Variants in IL10 observed in about 807,000 individuals in gnomAD.
IL10 encodes interleukin 10, also known as interleukin-10.
IL10 carries 7 observed loss-of-function variants against 21.0 expected under a neutral mutation model. The ratio of observed to expected loss-of-function variants is 0.33; its 90% CI spans 0.19 to 0.63. The LOEUF is 0.63. IL10 is among the 20% of genes least tolerant of loss of function. The probability of loss-of-function intolerance (pLI) is 0.77; values close to 1 mark genes in which losing one functional copy is unlikely to be tolerated. For missense variants in IL10, 161 were observed against 213.0 expected, an observed-to-expected ratio of 0.76 and a Z score of 1.52; for synonymous variants, 83 against 79.7, an observed-to-expected ratio of 1.04 and a Z score of -0.22.
chr1:206,771,981 C>A (rs890823529), intron 1 of IL10, among the ~76,000 whole-genome samples: 2 of 152,226 alleles, frequency 1.3e-5, no homozygotes, highest in African/African-American at 4.8e-5. Context: ...TTTACTTCTC[C>A]TAGCCAATAA....
chr1:206,769,371 T>G (rs111408517), intron 4 of IL10, among the ~76,000 whole-genome samples: 9 of 152,378 alleles, frequency 5.9e-5, no homozygotes, highest in African/African-American at 2.2e-4. Flanking sequence ...CAACTCCAGG[T>G]TAAGTGAGAA....
chr1:206,769,825 T>G lies in IL10; in HGVS notation c.444+4A>C. Reference sequence around the variant, plus strand: ...AGACCCTCTCTGCCACCATCCAAGCTCACCTTATTAAAGGCATTCTTCACC... The same window carrying G: ...AGACCCTCTCTGCCACCATCCAAGCGCACCTTATTAAAGGCATTCTTCACC... On this transcript the variant is annotated splice_donor_region_variant and intron_variant, in intron 4 of 4. Transcript: ENST00000423557. The G allele has an allele frequency of 6.2e-7, 1 of 1,612,044 alleles. No individual in the cohort carries two copies. The highest frequency in any genetic ancestry group is 8.5e-7 in the Non-Finnish European group (1 of 1,178,154).
intron 4 of IL10, among the ~76,000 whole-genome samples, chr1:206,769,229 C>T (rs1027934413): frequency 2.0e-5 from 3 of 152,210 alleles, no homozygotes; most frequent in Non-Finnish European, 4.4e-5. Flanking sequence ...GGACATAGGC[C>T]GCACGGTTTC....
rs777582308 is a variant in IL10, at chr1:206,770,984, G to A, written c.301C>T (p.Gln101Ter). The A allele has an allele frequency of 6.2e-7, 1 of 1,613,986 alleles. No individual in the cohort carries two copies. Among genetic ancestry groups the A allele is most frequent in the Non-Finnish European group, 8.5e-7 (1 of 1,179,980 alleles). The stretch of plus-strand genomic sequence containing the variant: ...ACATGCGCCTTGATGTCTGGGTCTT[G>A]GTTCTCAGCTTGGGGCATCACCTCC... ...LEEVMPQAEN[Q>*]DPDIKAHVNS... The change falls in exon 3 of 5, where the codon CAA becomes TAA. Residue 101 changes from glutamine (Q) to a stop codon, truncating the protein, a stop_gained. Transcript: ENST00000423557. LOFTEE classifies it high-confidence loss of function.
rs758412149 is a variant in IL10 at position 206,772,457 on chromosome 1, T to C, written c.-22A>G. The C allele has an allele frequency of 6.2e-7, 1 of 1,613,290 alleles. No homozygotes were observed. The highest frequency in any genetic ancestry group is 1.3e-5 in the African/African-American group (1 of 74,896). On this transcript the variant is annotated 5_prime_UTR_variant, in exon 1 of 5. Transcript: ENST00000423557. ...GCATGCCTTCTTTTGCAAGTCTGTC[T>C]TGTGGTTTGGTTTTGCAAGAGCAAG...
intron 1 of IL10, 57 bp from the exon 2 acceptor site, chr1:206,771,472 G>A (rs1572539450): frequency 4.2e-6 from 6 of 1,416,694 alleles, no homozygotes; most frequent in African/African-American, 1.4e-5. Flanking sequence ...ACTGAAATGC[G>A]GTCTTTTTGA....
chr1:206,769,739 A>G (rs1674764992), intron 4 of IL10, 90 bp downstream of exon 4: 1 of 986,822 alleles, frequency 1.0e-6, no homozygotes, highest in Non-Finnish European at 1.6e-6. Context: ...AATGGGGCCT[A>G]TTGAGTCCCC....
In IL10 at chr1:206,771,339, C is replaced by G; in HGVS notation, c.225+17G>C. ...ATCATGCTGCACACTCCCCCAGCAC[C>G]CCGCCCCTGCTCTCACCTTAAAGTC... On this transcript the variant is annotated intron_variant, in intron 2 of 4. Coordinates refer to ENST00000423557, the MANE Select transcript of IL10 (RefSeq NM_000572.3). 1 of 1,610,904 alleles carries G rather than the reference C, an allele frequency of 6.2e-7. No individual in the cohort carries two copies. Among genetic ancestry groups the G allele is most frequent in the Non-Finnish European group, 8.5e-7 (1 of 1,177,386 alleles).
rs1674731542 is a variant in IL10, at chr1:206,768,534, AGGTTTCTCAAGG to A, written c.*90_*101del. On this transcript the variant is annotated 3_prime_UTR_variant, in exon 5 of 5. Transcript: ENST00000423557. ...AATATTCTATAAGAGAGGTACAATA[AGGTTTCTCAAGG>A]GGCTGGGTCAGCTATCCCAGAGCCC... 1 of 719,270 alleles carries A rather than the reference AGGTTTCTCAAGG, an allele frequency of 1.4e-6. No homozygotes were observed. Among genetic ancestry groups the A allele is most frequent in the African/African-American group, 1.7e-5 (1 of 57,426 alleles). The allele number at this position is 719,270 out of a possible 1,614,324, so 44.6% of individuals were successfully genotyped here.
intron 2 of IL10, 91 bp from the exon 3 acceptor site, chr1:206,771,150 C>G: frequency 2.8e-6 from 4 of 1,425,432 alleles, no homozygotes; most frequent in Non-Finnish European, 4.0e-6. Context: ...CAGCTTGGTT[C>G]TAGCGATCCT....
At chr1:206,770,766 C>T (rs1558602702) in intron 3 of IL10, 141 bp downstream of exon 3, 1 of 863,042 alleles carries the variant, frequency 1.2e-6, no homozygotes, top group Non-Finnish European at 2.0e-6. Context: ...AGAGATCTGA[C>T]TCCAGGAGTC....
chr1:206,768,066 G>A lies in IL10; in HGVS notation c.*570C>T, dbSNP rs1381021739. 1.5e-5 allele frequency: 3 copies of A among 195,708 alleles called. No individual in the cohort carries two copies. In the East Asian group the frequency reaches 2.4e-4, roughly 16 times the overall value. 12.1% of individuals were successfully genotyped at this position (195,708 alleles called of 1,614,324 possible). A position where few individuals can be genotyped will look rare whatever the true frequency, so the allele number is the denominator to read the frequency against. ...TTAGGTTGTTATAAATAACAAGCTG[G>A]CCACAGCTTTCAAGAATGAAGTGGT... On this transcript the variant is annotated 3_prime_UTR_variant, in exon 5 of 5. Transcript: ENST00000423557.
At position 206,767,977 on chromosome 1, in the gene IL10, GC is replaced by G. The variant is rs1474982740; in HGVS notation, c.*658del. The G allele has an allele frequency of 1.2e-5, 2 of 169,890 alleles. No individual in the cohort carries two copies. The highest frequency in any genetic ancestry group is 4.8e-5 in the African/African-American group (2 of 41,982). The allele number at this position is 169,890 out of a possible 1,614,324, so 10.5% of individuals were successfully genotyped here. A position where few individuals can be genotyped will look rare whatever the true frequency, so the allele number is the denominator to read the frequency against. The stretch of plus-strand genomic sequence containing the variant: ...ACTCCTGACCTCAAGTGATCCACCC[GC>G]CTCAGCCTCCCAAAGTGCTGGGATT... On this transcript the variant is annotated 3_prime_UTR_variant, in exon 5 of 5. Transcript: ENST00000423557.
rs1404369905 is a variant in IL10 at position 206,767,926 on chromosome 1, C to T, written c.*710G>A. On this transcript the variant is annotated 3_prime_UTR_variant, in exon 5 of 5. Coordinates refer to ENST00000423557, the MANE Select transcript of IL10 (RefSeq NM_000572.3). ...TGTATTTTTAGTAGAGACGGGGTTT[C>T]ACCATGTTGACCAGGCTGGTTAGGA... The T allele has an allele frequency of 3.1e-5, 5 of 161,528 alleles. No individual in the cohort carries two copies. The East Asian group carries it at 5.6e-4, about 18-fold the overall frequency. The allele number at this position is 161,528 out of a possible 1,614,324, so 10.0% of individuals were successfully genotyped here.
intron 3 of IL10, 108 bp from the exon 4 acceptor site, chr1:206,770,002 G>A: frequency 2.4e-6 from 2 of 828,420 alleles, no homozygotes; most frequent in Admixed American, 1.9e-5. Context: ...TTATCCAAAT[G>A]CCTTGCCTCA....
At chr1:206,768,802 A>T in intron 4 of IL10, 74 bp from the exon 5 acceptor site, 1 of 862,526 alleles carries the variant, frequency 1.2e-6, no homozygotes, top group East Asian at 2.4e-5. Flanking sequence ...CCTCATGCTC[A>T]TGGATGGGCA....
At chr1:206,772,248 G>A (rs1232529080) in intron 1 of IL10, 23 bp downstream of exon 1, 1 of 1,608,250 alleles carries the variant, frequency 6.2e-7, no homozygotes. Flanking sequence ...AAGAGAGAAA[G>A]GACAGGAAGG....
At position 206,767,684 on chromosome 1, in the gene IL10, T is replaced by A. The variant is rs3024499; in HGVS notation, c.*952A>T. On this transcript the variant is annotated 3_prime_UTR_variant, in exon 5 of 5. Coordinates refer to ENST00000423557, the MANE Select transcript of IL10 (RefSeq NM_000572.3). Reference sequence around the variant, plus strand: ...AAACAATGTAACATTCCCAGAGGAATTGAATAAATTCTAGTTAAAACTGAG... The same window carrying A: ...AAACAATGTAACATTCCCAGAGGAAATGAATAAATTCTAGTTAAAACTGAG... The A allele has an allele frequency of 4.6e-5, 7 of 152,332 alleles. 1 individual carries two copies. Among genetic ancestry groups the A allele is most frequent in the African/African-American group, 1.7e-4 (7 of 41,438 alleles). 9.4% of individuals were successfully genotyped at this position (152,332 alleles called of 1,614,324 possible). A position where few individuals can be genotyped will look rare whatever the true frequency, so the allele number is the denominator to read the frequency against.
At chr1:206,769,019 A>G (rs753181510) in intron 4 of IL10, among the ~76,000 whole-genome samples, 3 of 152,210 alleles carry the variant, frequency 2.0e-5, no homozygotes, top group Non-Finnish European at 4.4e-5. Context: ...CATGATGATT[A>G]TGCAGAGTTT....
Sources: gnomAD v4.1 joint callset for allele counts (sites outside exome capture counted in the v4.1 genomes callset) on GRCh38, gnomAD v4.1.1 for gene constraint, MANE v1.5 for transcripts, NCBI Gene and HGNC (gene_info 2026-07-23, HGNC 2026-07-21) for gene names.